KBTBD11: variants seen among roughly 807,000 people sequenced by gnomAD.
KBTBD11 encodes the protein kelch repeat and BTB domain containing 11, also known as kelch repeat and BTB domain-containing protein 11.
For missense variants in KBTBD11, 1,390 were observed against 1,001.8 expected (o/e 1.39, Z -5.23); for synonymous variants, 747 against 499.0 (o/e 1.50, Z -6.63).
intron 1 of KBTBD11, among the ~76,000 whole-genome samples, chr8:1,995,059 T>C (rs1053686396): frequency 4.1e-4 from 11 of 26,522 alleles, no homozygotes; most frequent in Non-Finnish European, 6.0e-4. Context: ...GACTCTTGTC[T>C]CAAAAAAAAA....
rs1817438706 is a variant in KBTBD11 at position 2,002,774 on chromosome 8, C to G, written c.1582C>G (p.His528Asp). The stretch of plus-strand genomic sequence containing the variant: ...GAGCGGGGTCAGCGTGTCCCGATAC[C>G]ACTGCCTGGCCAAGCAGTGGAGCCC... ...GPSGVSVSRY[H>D]CLAKQWSPCV... The change falls in exon 2 of 2, where the codon CAC (histidine) becomes GAC (aspartate). Residue 528 changes from histidine to aspartate, a missense_variant. Coordinates refer to ENST00000320248, the MANE Select transcript of KBTBD11 (RefSeq NM_014867.3). The surrounding 1 kb of genome is among the most constrained non-coding windows in gnomAD (Gnocchi z 4.1). 6.8e-7 allele frequency: 1 copy of G among 1,472,952 alleles called. No homozygotes were observed. The highest frequency in any genetic ancestry group is 2.4e-5 in the Admixed American group (1 of 41,982). 91.2% of individuals were successfully genotyped at this position (1,472,952 alleles called of 1,614,324 possible).
chr8:2,002,118 GCAGCCGGCCT>G lies in KBTBD11; in HGVS notation c.930_939del (p.Ser310ArgfsTer28). 1 of 1,107,650 alleles carries G rather than the reference GCAGCCGGCCT, an allele frequency of 9.0e-7. No homozygotes were observed. Among genetic ancestry groups the G allele is most frequent in the Non-Finnish European group, 1.1e-6 (1 of 911,262 alleles). The allele number at this position is 1,107,650 out of a possible 1,614,324, so 68.6% of individuals were successfully genotyped here. A position where few individuals can be genotyped will look rare whatever the true frequency, so the allele number is the denominator to read the frequency against. ...CTCGGGCCGGCGGGGGAGCGCGCGG[GCAGCCGGCCT>G]CAGAGCCCCTCGGGGGACGCGGACG... On this transcript the variant is annotated frameshift_variant, in exon 2 of 2. Transcript: ENST00000320248. LOFTEE classifies it low-confidence loss of function (END_TRUNC). This position sits in a 1 kb window ranked among gnomAD's most constrained non-coding sequence, Gnocchi z 4.1.
In KBTBD11 at chr8:2,005,780, C is replaced by G. The variant is rs1240142133; in HGVS notation, c.*2716C>G. The G allele has an allele frequency of 6.0e-6, 1 of 167,094 alleles. No individual in the cohort carries two copies. The highest frequency in any genetic ancestry group is 2.4e-5 in the African/African-American group (1 of 41,454). The allele number at this position is 167,094 out of a possible 1,614,324, so 10.4% of individuals were successfully genotyped here. The stretch of plus-strand genomic sequence containing the variant: ...CCAAATGTCTGACTCGTGAAATTAA[C>G]CCATACGCAGGGGCCTTTCCAAATG... On this transcript the variant is annotated 3_prime_UTR_variant, in exon 2 of 2. Coordinates refer to ENST00000320248, the MANE Select transcript of KBTBD11 (RefSeq NM_014867.3).
rs1817461895 is a variant in KBTBD11, at chr8:2,003,117, C to T, written c.*53C>T. On this transcript the variant is annotated 3_prime_UTR_variant, in exon 2 of 2. Transcript: ENST00000320248. ...CGGCAGGGGTTTGCGGGGCCCAGGT[C>T]CCTTTGGGCCCGCGGAGGAGGACGT... 2.4e-6 allele frequency: 3 copies of T among 1,252,288 alleles called. No homozygotes were observed. The highest frequency in any genetic ancestry group is 2.0e-6 in the Non-Finnish European group (2 of 991,796). 77.6% of individuals were successfully genotyped at this position (1,252,288 alleles called of 1,614,324 possible).
intron 1 of KBTBD11, among the ~76,000 whole-genome samples, chr8:1,988,602 G>T (rs1266409619): frequency 6.6e-6 from 1 of 152,098 alleles, no homozygotes. Flanking sequence ...TGTTTGAGTT[G>T]TTTGTAGATT....
Position 2,002,279 on chromosome 8 carries a change from G to C in KBTBD11, c.1087G>C (p.Val363Leu), listed in dbSNP as rs1817406529. 7.5e-7 allele frequency: 1 copy of C among 1,324,696 alleles called. No individual in the cohort carries two copies. Among genetic ancestry groups the C allele is most frequent in the African/African-American group, 1.6e-5 (1 of 63,800 alleles). 82.1% of individuals were successfully genotyped at this position (1,324,696 alleles called of 1,614,324 possible). The change falls in exon 2 of 2, where the codon GTG becomes CTG. Residue 363 changes from valine to leucine, a missense_variant. Val to Leu is a conservative substitution (Grantham distance 32). Coordinates refer to ENST00000320248, the MANE Select transcript of KBTBD11 (RefSeq NM_014867.3). This position sits in a 1 kb window ranked among gnomAD's most constrained non-coding sequence, Gnocchi z 4.1. ...GTGCGTCCTCTACAACTACCTCTTC[G>C]TGGCGGGCGGCGTGGCGCCCGCGGG... ...GLCVLYNYLF[V>L]AGGVAPAGPD...
intron 1 of KBTBD11, chr8:1,976,371 A>T (rs1816344571): frequency 6.6e-6 from 1 of 152,240 alleles, no homozygotes; most frequent in Non-Finnish European, 1.5e-5. Flanking sequence ...GTATTTAACA[A>T]TGAGCAAAAA....
chr8:2,005,698 G>C lies in KBTBD11; in HGVS notation c.*2634G>C, dbSNP rs1373867263. 6.0e-6 allele frequency: 1 copy of C among 167,126 alleles called. No homozygotes were observed. Among genetic ancestry groups the C allele is most frequent in the East Asian group, 1.9e-4 (1 of 5,200 alleles). 10.4% of individuals were successfully genotyped at this position (167,126 alleles called of 1,614,324 possible). A position where few individuals can be genotyped will look rare whatever the true frequency, so the allele number is the denominator to read the frequency against. ...ATTAAAATAGTTAGATGAGGCTATT[G>C]CCTTGATGACAGCTGTCCACACTCC... On this transcript the variant is annotated 3_prime_UTR_variant, in exon 2 of 2. Coordinates refer to ENST00000320248, the MANE Select transcript of KBTBD11 (RefSeq NM_014867.3).
chr8:1,991,529 C>A (rs1563370361), intron 1 of KBTBD11, among the ~76,000 whole-genome samples: 1 of 152,166 alleles, frequency 6.6e-6, no homozygotes, highest in South Asian at 2.1e-4. Flanking sequence ...ATGAGCTTTC[C>A]CTCGATTCCA....
intron 1 of KBTBD11, among the ~76,000 whole-genome samples, chr8:1,996,165 C>G (rs1265513298): frequency 6.6e-6 from 1 of 152,250 alleles, no homozygotes; most frequent in Non-Finnish European, 1.5e-5. Flanking sequence ...CTTTCTGGTG[C>G]TGATGGAGGC....
At chr8:1,999,141 A>G (rs554693502) in intron 1 of KBTBD11, among the ~76,000 whole-genome samples, 10 of 152,194 alleles carry the variant, frequency 6.6e-5, no homozygotes, top group Admixed American at 2.6e-4. Flanking sequence ...TGTGAAAGAT[A>G]TCTGGAAGAC....
In KBTBD11 at chr8:1,973,909, C is replaced by G. The variant is rs1334104124; in HGVS notation, c.-935C>G. On this transcript the variant is annotated 5_prime_UTR_variant, in exon 1 of 2. Coordinates refer to ENST00000320248, the MANE Select transcript of KBTBD11 (RefSeq NM_014867.3). Reference sequence around the variant, plus strand: ...CCCGCCTGGCTGCGCGTCCCGGGCCCGGCGGCTGAAGAGGAGCCGCGGCGA... The same window carrying G: ...CCCGCCTGGCTGCGCGTCCCGGGCCGGGCGGCTGAAGAGGAGCCGCGGCGA... The G allele has an allele frequency of 2.0e-6, 2 of 982,608 alleles. No homozygotes were observed. The highest frequency in any genetic ancestry group is 4.7e-5 in the South Asian group (1 of 21,276). The allele number at this position is 982,608 out of a possible 1,614,324, so 60.9% of individuals were successfully genotyped here. A position where few individuals can be genotyped will look rare whatever the true frequency, so the allele number is the denominator to read the frequency against.
rs536677229 is a variant in KBTBD11, at chr8:1,997,566, C to T, written c.-908-2719C>T. 1.3e-4 allele frequency among the ~76,000 whole-genome samples: 20 copies of T among 152,352 alleles called. No homozygotes were observed. In the South Asian group the frequency reaches 1.9e-3, roughly 14 times the overall value. On this transcript the variant is annotated intron_variant, in intron 1 of 1. Transcript: ENST00000320248. ...CGTTCAGTGCTGTGAGACCATCTCCCGGAAGGGCTGCCCAGAGCCTCCTAG... is the reference window on the plus strand; with the variant it reads ...CGTTCAGTGCTGTGAGACCATCTCCTGGAAGGGCTGCCCAGAGCCTCCTAG...
chr8:1,985,880 C>T (rs921415957), intron 1 of KBTBD11, among the ~76,000 whole-genome samples: 2 of 152,170 alleles, frequency 1.3e-5, no homozygotes, highest in Non-Finnish European at 2.9e-5. Flanking sequence ...TTGTAAAGAA[C>T]GAATGATAAC....
chr8:1,975,521 CTG>C (rs1383004744), intron 1 of KBTBD11, among the ~76,000 whole-genome samples: 1 of 152,232 alleles, frequency 6.6e-6, no homozygotes, highest in Non-Finnish European at 1.5e-5. Context: ...GAGCAGGAGT[CTG>C]TGCAGTGGAG....
Position 1,979,866 on chromosome 8 carries a change from C to T in KBTBD11, c.-909+5931C>T, listed in dbSNP as rs540410514. 7.1e-3 allele frequency among the ~76,000 whole-genome samples: 1,082 copies of T among 152,332 alleles called. 6 individuals are homozygous for T. The highest frequency in any genetic ancestry group is 0.012 in the Non-Finnish European group (845 of 68,040). ...CGCGTGGCTTCCACACTCCTGGCTG[C>T]ACCCTCTGGGCTCTTGGATCTCTTT... On this transcript the variant is annotated intron_variant, in intron 1 of 1. Transcript: ENST00000320248.
chr8:1,982,267 G>A (rs1816562974), intron 1 of KBTBD11, among the ~76,000 whole-genome samples: 1 of 152,254 alleles, frequency 6.6e-6, no homozygotes, highest in South Asian at 2.1e-4. Flanking sequence ...ACAAAAGGTA[G>A]AAAGTCAAGA....
At position 2,002,007 on chromosome 8, in the gene KBTBD11, T is replaced by A. The variant is rs778839125; in HGVS notation, c.815T>A (p.Val272Glu). Residue 272 changes from valine to glutamate, a missense_variant, in exon 2 of 2, where the codon GTG becomes GAG. By Grantham distance (121) the Val-to-Glu change is moderately radical. Coordinates refer to ENST00000320248, the MANE Select transcript of KBTBD11 (RefSeq NM_014867.3). This position sits in a 1 kb window ranked among gnomAD's most constrained non-coding sequence, Gnocchi z 4.1. The stretch of plus-strand genomic sequence containing the variant: ...CTGGAGGTGCTGCGCGAGCCCGCCG[T>A]GTTCGGCCGCCTGTCGGGCGCAGAG... Reference protein sequence around the residue: ...HYLEVLREPAVFGRLSGAERD... With the variant: ...HYLEVLREPAEFGRLSGAERD... 2 of 1,417,982 alleles carry A rather than the reference T, an allele frequency of 1.4e-6. No individual in the cohort carries two copies. Among genetic ancestry groups the A allele is most frequent in the Admixed American group, 4.3e-5 (2 of 46,190 alleles). 87.8% of individuals were successfully genotyped at this position (1,417,982 alleles called of 1,614,324 possible).
At chr8:1,988,586 T>C (rs1816776290) in intron 1 of KBTBD11, among the ~76,000 whole-genome samples, 1 of 152,254 alleles carries the variant, frequency 6.6e-6, no homozygotes, top group Non-Finnish European at 1.5e-5. Context: ...TTTTTTCTTG[T>C]AAATTTGTTT....
Sources: allele counts gnomAD v4.1 joint callset (sites outside exome capture counted in the v4.1 genomes callset), GRCh38; gene constraint gnomAD v4.1.1; non-coding constraint Gnocchi (gnomAD v3.1); transcripts MANE v1.5; gene names NCBI Gene and HGNC (gene_info 2026-07-23, HGNC 2026-07-21).